Variants in PARD3B observed in about 807,000 individuals in gnomAD.
PARD3B encodes the protein partitioning defective 3 homolog B.
PARD3B carries 103 observed loss-of-function variants against 130.2 expected under a neutral mutation model. That is an observed-to-expected ratio of 0.79 (90% CI 0.67 to 0.93). PARD3B has a LOEUF of 0.93. Among genes scored for constraint, PARD3B ranks in the 40% least tolerant of loss-of-function variants. The pLI, the probability that PARD3B is intolerant of heterozygous loss-of-function variation, is 0.00. For missense variants in PARD3B, 1,609 were observed against 1,499.2 expected (o/e 1.07, Z -1.21); for synonymous variants, 583 against 553.2 (o/e 1.05, Z -0.76).
chr2:204,901,953 G>C (rs2046873767), intron 2 of PARD3B, among the ~76,000 whole-genome samples: 1 of 152,032 alleles, frequency 6.6e-6, no homozygotes, highest in Non-Finnish European at 1.5e-5. Context: ...ATTCTACTGT[G>C]GTTGAGCTGG....
At chr2:204,904,861 G>A (rs1381515804) in intron 2 of PARD3B, among the ~76,000 whole-genome samples, 3 of 151,982 alleles carry the variant, frequency 2.0e-5, no homozygotes, top group Admixed American at 1.3e-4. Context: ...TTTATTTTTG[G>A]TCCACATATG....
At chr2:204,627,557 G>T (rs1295044550) in intron 1 of PARD3B, among the ~76,000 whole-genome samples, 1 of 152,082 alleles carries the variant, frequency 6.6e-6, no homozygotes, top group Non-Finnish European at 1.5e-5. Context: ...AAGTTAGCTT[G>T]TTCTAGAATT....
At chr2:204,898,405 A>G (rs1406109184) in intron 2 of PARD3B, among the ~76,000 whole-genome samples, 2 of 151,924 alleles carry the variant, frequency 1.3e-5, no homozygotes, top group African/African-American at 4.8e-5. Context: ...CATTCTATGT[A>G]CTTATATTTT....
intron 21 of PARD3B, among the ~76,000 whole-genome samples, chr2:205,514,088 C>T (rs1036426517): frequency 6.6e-6 from 1 of 152,074 alleles, no homozygotes; most frequent in African/African-American, 2.4e-5. Flanking sequence ...CCCAACCTCT[C>T]CTTTTGAGGA....
intron 11 of PARD3B, among the ~76,000 whole-genome samples, chr2:205,165,826 A>G (rs1206281697): frequency 1.3e-5 from 2 of 152,252 alleles, no homozygotes; most frequent in East Asian, 1.9e-4. Flanking sequence ...GGTTTGTTAC[A>G]TAGAAATGGA....
At chr2:204,951,709 C>A (rs1689788134) in intron 2 of PARD3B, among the ~76,000 whole-genome samples, 1 of 152,132 alleles carries the variant, frequency 6.6e-6, no homozygotes, top group South Asian at 2.1e-4. Flanking sequence ...TCAGAGCCAA[C>A]TGGATGATAG....
intron 2 of PARD3B, among the ~76,000 whole-genome samples, chr2:204,956,338 T>C (rs1431806937): frequency 6.6e-6 from 1 of 152,212 alleles, no homozygotes; most frequent in South Asian, 2.1e-4. Context: ...TTAAATAATA[T>C]TGAATATGGA....
intron 3 of PARD3B, among the ~76,000 whole-genome samples, chr2:205,039,288 A>T (rs1325681582): frequency 6.6e-6 from 1 of 152,100 alleles, no homozygotes; most frequent in Non-Finnish European, 1.5e-5. Flanking sequence ...TGCAAGAAAG[A>T]CTGTGTACTC....
intron 2 of PARD3B, among the ~76,000 whole-genome samples, chr2:204,893,256 G>A (rs557050298): frequency 6.6e-6 from 1 of 152,288 alleles, no homozygotes; most frequent in South Asian, 2.1e-4. Context: ...ACAAGTTGGA[G>A]GTCACTGATC....
intron 18 of PARD3B, among the ~76,000 whole-genome samples, chr2:205,379,757 T>C (rs1461116265): frequency 6.6e-6 from 1 of 152,000 alleles, no homozygotes; most frequent in Non-Finnish European, 1.5e-5. Context: ...TCTTATTACT[T>C]GAATACTTGT....
intron 21 of PARD3B, among the ~76,000 whole-genome samples, chr2:205,553,038 G>A (rs2052719699): frequency 6.6e-6 from 1 of 152,090 alleles, no homozygotes; most frequent in African/African-American, 2.4e-5. Context: ...AGAAGAAGAA[G>A]AAGAAGAAAA....
At chr2:205,079,376 T>A (rs1390145864) in intron 4 of PARD3B, among the ~76,000 whole-genome samples, 3 of 152,196 alleles carry the variant, frequency 2.0e-5, no homozygotes, top group African/African-American at 7.2e-5. Flanking sequence ...GCAGGAAGTC[T>A]AAGATAAGGC....
At chr2:204,687,118 G>C (rs2037122460) in intron 2 of PARD3B, among the ~76,000 whole-genome samples, 1 of 151,998 alleles carries the variant, frequency 6.6e-6, no homozygotes. Flanking sequence ...GTAATCTCAG[G>C]GGTGTGTATG....
chr2:205,380,494 GAA>G (rs377687017), intron 18 of PARD3B, among the ~76,000 whole-genome samples: 36 of 2,350 alleles, frequency 0.015, 4 homozygotes, highest in African/African-American at 0.032. Context: ...AATATATAAA[GAA>G]TATATATTAT....
chr2:204,609,053 T>A (rs1353240580), intron 1 of PARD3B, among the ~76,000 whole-genome samples: 2 of 152,240 alleles, frequency 1.3e-5, no homozygotes, highest in African/African-American at 4.8e-5. Flanking sequence ...GTTGTCACTT[T>A]ATTCAGACTT....
At chr2:204,842,622 TC>T (rs1364921535) in intron 2 of PARD3B, among the ~76,000 whole-genome samples, 1 of 152,150 alleles carries the variant, frequency 6.6e-6, no homozygotes, top group Admixed American at 6.5e-5. Flanking sequence ...CTTTGAAAAC[TC>T]CCTAGAGAAG....
chr2:205,175,895 A>T (rs1382314372), intron 12 of PARD3B, among the ~76,000 whole-genome samples: 2 of 114,708 alleles, frequency 1.7e-5, no homozygotes, highest in African/African-American at 5.6e-5. Context: ...AAGGGGAAAT[A>T]TAGGGGGGGA....
chr2:205,476,419 CAATCACCACCCTT>C (rs2049024499), intron 20 of PARD3B, among the ~76,000 whole-genome samples: 1 of 152,092 alleles, frequency 6.6e-6, no homozygotes, highest in Non-Finnish European at 1.5e-5. Context: ...CATTTGTTTT[CAATCACCACCCTT>C]AATGCATAAA....
chr2:205,135,706 A>G lies in PARD3B; in HGVS notation c.1434+9969A>G, dbSNP rs184769499. 1.9e-3 allele frequency among the ~76,000 whole-genome samples: 285 copies of G among 151,594 alleles called. 1 individual carries two copies. The highest frequency in any genetic ancestry group is 6.5e-3 in the African/African-American group (267 of 41,236). Reference sequence around the variant, plus strand: ...AATGACTTTTAAATATGTTCTCATTATTTTTAATGAGTGTGCAGAACATAT... The same window carrying G: ...AATGACTTTTAAATATGTTCTCATTGTTTTTAATGAGTGTGCAGAACATAT... On this transcript the variant is annotated intron_variant, in intron 10 of 22. Transcript: ENST00000406610.
Sources: gnomAD v4.1 joint callset for allele counts (sites outside exome capture counted in the v4.1 genomes callset) on GRCh38, gnomAD v4.1.1 for gene constraint, MANE v1.5 for transcripts, NCBI Gene and HGNC (gene_info 2026-07-23, HGNC 2026-07-21) for gene names.